Variants in RAB11FIP2 observed in about 807,000 individuals in gnomAD.
RAB11FIP2 encodes the protein rab11 family-interacting protein 2.
Under a neutral mutation model 40.9 loss-of-function variants are expected in RAB11FIP2, and 16 were observed. The observed-to-expected ratio is 0.39, with a 90% CI of 0.26 to 0.59. The LOEUF (loss-of-function observed/expected upper bound fraction) is 0.59. Ranked by LOEUF, RAB11FIP2 falls within the 20% of genes least tolerant of loss-of-function variation. RAB11FIP2 has a pLI of 0.53. For synonymous variants in RAB11FIP2, 228 were observed against 213.7 expected, an observed-to-expected ratio of 1.07 and a Z score of -0.58; for missense variants, 532 against 606.2, an observed-to-expected ratio of 0.88 and a Z score of 1.28.
In RAB11FIP2 at chr10:118,006,384, A is replaced by G. The variant is rs1045657820; in HGVS notation, c.*2614T>C. 3 of 152,582 alleles carry G rather than the reference A, an allele frequency of 2.0e-5. No homozygotes were observed. The highest frequency in any genetic ancestry group is 7.2e-5 in the African/African-American group (3 of 41,462). The allele number at this position is 152,582 out of a possible 1,614,324, so 9.5% of individuals were successfully genotyped here. ...GGGCATGCATTCTTTAAAGCATAAA[A>G]GCAAAAATAAACTCTATAATCTAGT... is the stretch of plus-strand genomic sequence containing the variant. On this transcript the variant is annotated 3_prime_UTR_variant, in exon 5 of 5. Transcript: ENST00000355624.
In RAB11FIP2 at chr10:118,046,849, T is replaced by G. The variant is rs531622768; in HGVS notation, c.-686A>C. 1,231 of 152,306 alleles carry G rather than the reference T, an allele frequency of 8.1e-3. 18 individuals are homozygous for G. The highest frequency in any genetic ancestry group is 0.029 in the African/African-American group (1,187 of 41,412). The allele number at this position is 152,306 out of a possible 1,614,324, so 9.4% of individuals were successfully genotyped here. On this transcript the variant is annotated 5_prime_UTR_variant, in exon 1 of 5. Transcript: ENST00000355624. ...GGGCTGCAGGGCTGCGGGCGCTTGGTTCGGCCTGGCCCGGCCGGCGGCTCC... is the reference window on the plus strand; with the variant it reads ...GGGCTGCAGGGCTGCGGGCGCTTGGGTCGGCCTGGCCCGGCCGGCGGCTCC...
At chr10:118,037,196 C>A (rs1343524437) in intron 3 of RAB11FIP2, among the ~76,000 whole-genome samples, 1 of 151,768 alleles carries the variant, frequency 6.6e-6, no homozygotes, top group African/African-American at 2.4e-5. Context: ...TGTAAAATAC[C>A]AAAATATTTT....
chr10:118,020,969 G>A (rs550524846), intron 3 of RAB11FIP2, among the ~76,000 whole-genome samples: 29 of 151,930 alleles, frequency 1.9e-4, no homozygotes, highest in South Asian at 8.3e-4. Flanking sequence ...AATTTCTGGC[G>A]TATGCTCCAT....
rs1846084718 is a variant in RAB11FIP2 at position 118,005,806 on chromosome 10, G to C, written c.*3192C>G. On this transcript the variant is annotated 3_prime_UTR_variant, in exon 5 of 5. Coordinates refer to ENST00000355624, the MANE Select transcript of RAB11FIP2 (RefSeq NM_014904.3). The stretch of plus-strand genomic sequence containing the variant: ...AAAGAATAAGCACCCTTCCGGGGAT[G>C]GTAGGCAGGGAGGCGTGGTGGTGAG... The C allele has an allele frequency of 6.6e-6, 1 of 152,306 alleles. No individual in the cohort carries two copies. The highest frequency in any genetic ancestry group is 2.4e-5 in the African/African-American group (1 of 41,358). 9.4% of individuals were successfully genotyped at this position (152,306 alleles called of 1,614,324 possible).
chr10:118,006,041 A>T lies in RAB11FIP2; in HGVS notation c.*2957T>A, dbSNP rs1202227895. 1 of 152,612 alleles carries T rather than the reference A, an allele frequency of 6.6e-6. No individual in the cohort carries two copies. Among genetic ancestry groups the T allele is most frequent in the Non-Finnish European group, 1.5e-5 (1 of 68,020 alleles). 9.5% of individuals were successfully genotyped at this position (152,612 alleles called of 1,614,324 possible). A position where few individuals can be genotyped will look rare whatever the true frequency, so the allele number is the denominator to read the frequency against. ...ACTACATTCAGGGGACAATGGCAAAACTAGGCTCAATGCAGAACATAGCAG... is the reference window on the plus strand; with the variant it reads ...ACTACATTCAGGGGACAATGGCAAATCTAGGCTCAATGCAGAACATAGCAG... On this transcript the variant is annotated 3_prime_UTR_variant, in exon 5 of 5. Transcript: ENST00000355624.
Position 118,008,971 on chromosome 10 carries a change from A to G in RAB11FIP2, c.*27T>C. 1 of 1,541,558 alleles carries G rather than the reference A, an allele frequency of 6.5e-7. No individual in the cohort carries two copies. The highest frequency in any genetic ancestry group is 9.0e-7 in the Non-Finnish European group (1 of 1,116,874). ...TTCTTTCTTTCTCTCTCTTTGTCCAATTATCAATACAATACAATTGGCTTT... is the reference window on the plus strand; with the variant it reads ...TTCTTTCTTTCTCTCTCTTTGTCCAGTTATCAATACAATACAATTGGCTTT... On this transcript the variant is annotated 3_prime_UTR_variant, in exon 5 of 5. Transcript: ENST00000355624.
chr10:118,019,690 G>A (rs926987515), intron 3 of RAB11FIP2, among the ~76,000 whole-genome samples: 2 of 152,060 alleles, frequency 1.3e-5, no homozygotes, highest in Non-Finnish European at 2.9e-5. Context: ...GCCGGGCGTG[G>A]TGGCAGGCGC....
chr10:118,027,439 C>T (rs990136515), intron 3 of RAB11FIP2, among the ~76,000 whole-genome samples: 7 of 152,148 alleles, frequency 4.6e-5, no homozygotes, highest in African/African-American at 1.7e-4. Flanking sequence ...GTATGATTTT[C>T]ATTTTTAATT....
intron 4 of RAB11FIP2, 122 bp from the exon 5 acceptor site, chr10:118,009,347 T>A: frequency 1.1e-6 from 1 of 899,540 alleles, no homozygotes; most frequent in Non-Finnish European, 1.7e-6. Flanking sequence ...TAGCCTTGCT[T>A]AAAGTGAATG....
intron 3 of RAB11FIP2, chr10:118,018,382 C>A (rs904220693): frequency 5.3e-5 from 8 of 152,222 alleles, no homozygotes; most frequent in African/African-American, 1.2e-4. Flanking sequence ...TCCGGTCTGA[C>A]TGCTCAGCCG....
chr10:118,038,116 T>C (rs1436234963), intron 3 of RAB11FIP2, among the ~76,000 whole-genome samples: 2 of 151,958 alleles, frequency 1.3e-5, no homozygotes, highest in East Asian at 3.9e-4. Context: ...CCAACTATAC[T>C]TAAGATGGGA....
rs1449271929 is a variant in RAB11FIP2, at chr10:118,046,318, C to A, written c.-155G>T. On this transcript the variant is annotated 5_prime_UTR_variant, in exon 1 of 5. The change creates a new upstream start codon in the 5' untranslated region. Coordinates refer to ENST00000355624, the MANE Select transcript of RAB11FIP2 (RefSeq NM_014904.3). ...TTCCCTATGGCTGATGTCAAAACGC[C>A]TCGCGGGGGCAGCCCAGGGGCACGG... The A allele has an allele frequency of 1.5e-6, 1 of 678,488 alleles. No individual in the cohort carries two copies. Among genetic ancestry groups the A allele is most frequent in the Non-Finnish European group, 2.5e-6 (1 of 403,830 alleles). The allele number at this position is 678,488 out of a possible 1,614,324, so 42.0% of individuals were successfully genotyped here. A position where few individuals can be genotyped will look rare whatever the true frequency, so the allele number is the denominator to read the frequency against.
rs1168180676 is a variant in RAB11FIP2 at position 118,006,346 on chromosome 10, GT to G, written c.*2651del. ...GTGATTTTAAAAAATCCTCTTGTTG[GT>G]AGTAGTGTTTTGGGCATGCATTCTT... is the stretch of plus-strand genomic sequence containing the variant. On this transcript the variant is annotated 3_prime_UTR_variant, in exon 5 of 5. Coordinates refer to ENST00000355624, the MANE Select transcript of RAB11FIP2 (RefSeq NM_014904.3). 3 of 152,450 alleles carry G rather than the reference GT, an allele frequency of 2.0e-5. No homozygotes were observed. Among genetic ancestry groups the G allele is most frequent in the Non-Finnish European group, 2.9e-5 (2 of 67,958 alleles). The allele number at this position is 152,450 out of a possible 1,614,324, so 9.4% of individuals were successfully genotyped here. A position where few individuals can be genotyped will look rare whatever the true frequency, so the allele number is the denominator to read the frequency against.
chr10:118,033,994 C>T (rs1462114060), intron 3 of RAB11FIP2: 1 of 702,140 alleles, frequency 1.4e-6, no homozygotes, highest in South Asian at 1.5e-5. Context: ...CTCTGCCCAT[C>T]TCAAAGATCC....
intron 3 of RAB11FIP2, among the ~76,000 whole-genome samples, chr10:118,020,062 G>A (rs1040449213): frequency 1.3e-5 from 2 of 152,146 alleles, no homozygotes; most frequent in Admixed American, 6.5e-5. Flanking sequence ...CTTAATCCTT[G>A]TAACAATCCT....
rs201860581 is a variant in RAB11FIP2 at position 118,042,258 on chromosome 10, T to TA, written c.354-1694dup. On this transcript the variant is annotated intron_variant, in intron 1 of 4. Coordinates refer to ENST00000355624, the MANE Select transcript of RAB11FIP2 (RefSeq NM_014904.3). ...TGTAACAAATCAAAGCAAATATGAGTAAAAAAAAATTAATTACCCCCAAAA... is the reference window on the plus strand; with the variant it reads ...TGTAACAAATCAAAGCAAATATGAGTAAAAAAAAAATTAATTACCCCCAAAA... Among the ~76,000 whole-genome samples the TA allele has an allele frequency of 2.2e-3, 330 of 150,946 alleles. 1 individual carries two copies. Among genetic ancestry groups the TA allele is most frequent in the African/African-American group, 7.5e-3 (309 of 41,090 alleles).
intron 3 of RAB11FIP2, among the ~76,000 whole-genome samples, chr10:118,031,723 T>C (rs1846416743): frequency 6.6e-6 from 1 of 152,150 alleles, no homozygotes; most frequent in South Asian, 2.1e-4. Flanking sequence ...GGGAGGCTCT[T>C]CCACCAAACA....
At chr10:118,024,834 G>C (rs376230964) in intron 3 of RAB11FIP2, among the ~76,000 whole-genome samples, 1 of 152,244 alleles carries the variant, frequency 6.6e-6, no homozygotes, top group African/African-American at 2.4e-5. Flanking sequence ...GAGAAGTCAC[G>C]GTGTCCTCTG....
chr10:118,043,942 T>C lies in RAB11FIP2; in HGVS notation c.353+1869A>G, dbSNP rs138667882. Among the ~76,000 whole-genome samples, 904 of 152,344 alleles carry C rather than the reference T, an allele frequency of 5.9e-3. 2 individuals are homozygous for C. Among genetic ancestry groups the C allele is most frequent in the Non-Finnish European group, 0.01 (684 of 68,034 alleles). On this transcript the variant is annotated intron_variant, in intron 1 of 4. Coordinates refer to ENST00000355624, the MANE Select transcript of RAB11FIP2 (RefSeq NM_014904.3). ...TATCTCATCAAATACATGGTCCCCA[T>C]TTATCCACAAATAAAATGTTAAGGG...
Sources: gnomAD v4.1 joint callset for allele counts (sites outside exome capture counted in the v4.1 genomes callset) on GRCh38, gnomAD v4.1.1 for gene constraint, MANE v1.5 for transcripts, NCBI Gene and HGNC (gene_info 2026-07-23, HGNC 2026-07-21) for gene names.